The following SCN8A variants were observed in gnomAD, a reference collection of about 807,000 sequenced individuals.
SCN8A encodes sodium channel protein type 8 subunit alpha.
In SCN8A, 30 loss-of-function variants were observed where a neutral mutation model predicts 184.1. That is an observed-to-expected ratio of 0.16 (90% confidence interval 0.12 to 0.22). The LOEUF (loss-of-function observed/expected upper bound fraction) is 0.22, where lower values mean the gene tolerates loss of function less well. Among genes scored for constraint, SCN8A ranks in the 10% least tolerant of loss-of-function variants. SCN8A has a pLI of 1.00. For missense variants in SCN8A, 1,057 were observed against 2,498.9 expected, an observed-to-expected ratio of 0.42 and a Z score of 12.30; for synonymous variants, 852 against 907.0, an observed-to-expected ratio of 0.94 and a Z score of 1.09.
At chr12:51,674,802 T>C (rs1009052837) in intron 2 of SCN8A, among the ~76,000 whole-genome samples, 2 of 152,224 alleles carry the variant, frequency 1.3e-5, no homozygotes, top group Admixed American at 1.3e-4. Flanking sequence ...TTAATCTTTA[T>C]AACAACCTGA....
At chr12:51,637,548 G>A (rs1194778981) in intron 1 of SCN8A, among the ~76,000 whole-genome samples, 1 of 152,220 alleles carries the variant, frequency 6.6e-6, no homozygotes, top group Admixed American at 6.5e-5. Context: ...CTGGATAGAA[G>A]ATCGTACTAG....
chr12:51,637,800 T>C (rs767097579), intron 1 of SCN8A, among the ~76,000 whole-genome samples: 9 of 152,212 alleles, frequency 5.9e-5, no homozygotes, highest in Non-Finnish European at 1.0e-4. Context: ...CATTAATTGA[T>C]GACGGTGACC....
chr12:51,637,822 T>C (rs1940352418), intron 1 of SCN8A, among the ~76,000 whole-genome samples: 1 of 152,132 alleles, frequency 6.6e-6, no homozygotes, highest in Admixed American at 6.5e-5. Flanking sequence ...TACTAAACAA[T>C]GGATTTTGAA....
chr12:51,681,614 T>A (rs1442889595), intron 2 of SCN8A, among the ~76,000 whole-genome samples: 4 of 152,168 alleles, frequency 2.6e-5, no homozygotes, highest in Non-Finnish European at 5.9e-5. Context: ...TTCTCTTTGC[T>A]TTTAGGATTA....
chr12:51,634,752 G>C (rs1395088369), intron 1 of SCN8A, among the ~76,000 whole-genome samples: 4 of 151,216 alleles, frequency 2.6e-5, no homozygotes, highest in Admixed American at 2.6e-4. Context: ...GGGTTCAAGC[G>C]ATTCTCTGGC....
At chr12:51,726,675 T>C (rs1942160004) in intron 12 of SCN8A, among the ~76,000 whole-genome samples, 1 of 152,220 alleles carries the variant, frequency 6.6e-6, no homozygotes, top group Non-Finnish European at 1.5e-5. Context: ...ATGTTATTCA[T>C]ATATAATATG....
chr12:51,794,751 A>ACCCT, intron 26 of SCN8A, 110 bp downstream of exon 26: 1 of 1,068,828 alleles, frequency 9.4e-7, no homozygotes, highest in Non-Finnish European at 1.4e-6. Context: ...CAGGCAAGAT[A>ACCCT]CCCTCATAGC....
chr12:51,613,573 C>T (rs566194743), intron 1 of SCN8A, among the ~76,000 whole-genome samples: 1 of 151,906 alleles, frequency 6.6e-6, no homozygotes, highest in African/African-American at 2.4e-5. Flanking sequence ...TAATTTTCCT[C>T]TATTTTTCTG....
At chr12:51,600,936 G>A (rs541118513) in intron 1 of SCN8A, among the ~76,000 whole-genome samples, 1 of 152,312 alleles carries the variant, frequency 6.6e-6, no homozygotes, top group Middle Eastern at 3.4e-3. Flanking sequence ...GTTTGCTGTG[G>A]AACCAGTAGA....
rs371276023 is a variant in SCN8A, at chr12:51,627,076, T to C, written c.-54-35688T>C. Reference sequence around the variant, plus strand: ...TTATATGTATGTGTGGCTGAAGGAGTGGGAAGATGAGGTGCTGTGGGGGAA... The same window carrying C: ...TTATATGTATGTGTGGCTGAAGGAGCGGGAAGATGAGGTGCTGTGGGGGAA... On this transcript the variant is annotated intron_variant, in intron 1 of 26. Coordinates refer to ENST00000627620, the MANE Select transcript of SCN8A (RefSeq NM_001330260.2). 6.9e-4 allele frequency among the ~76,000 whole-genome samples: 104 copies of C among 151,780 alleles called. 1 individual carries two copies. Among genetic ancestry groups the C allele is most frequent in the African/African-American group, 2.4e-3 (99 of 41,396 alleles).
chr12:51,646,332 C>A (rs1940589676), intron 1 of SCN8A, among the ~76,000 whole-genome samples: 1 of 152,200 alleles, frequency 6.6e-6, no homozygotes, highest in Admixed American at 6.5e-5. Flanking sequence ...CCTTTTGCAA[C>A]TACTCAGCTC....
At chr12:51,746,822 T>C (rs1209657265) in intron 13 of SCN8A, among the ~76,000 whole-genome samples, 1 of 152,202 alleles carries the variant, frequency 6.6e-6, no homozygotes, top group Non-Finnish European at 1.5e-5. Flanking sequence ...ATGCTTTCTT[T>C]AGAGGTAAAT....
At chr12:51,620,475 A>G (rs1939935409) in intron 1 of SCN8A, among the ~76,000 whole-genome samples, 1 of 152,040 alleles carries the variant, frequency 6.6e-6, no homozygotes, top group South Asian at 2.1e-4. Context: ...GTCATCTTTA[A>G]TTTTTTCTTT....
At position 51,797,646 on chromosome 12, in the gene SCN8A, G is replaced by A. The variant is rs540157677; in HGVS notation, c.4795+3005G>A. On this transcript the variant is annotated intron_variant, in intron 26 of 26. Transcript: ENST00000627620. ...TAGTTTCCCATTGACCTTAATCACA[G>A]GGCATGCTAATACTAAGAGACGCCC... Among the ~76,000 whole-genome samples the A allele has an allele frequency of 1.5e-4, 23 of 152,214 alleles. No homozygotes were observed. In the South Asian group the frequency reaches 4.6e-3, roughly 30 times the overall value.
At chr12:51,611,716 A>G (rs1939724455) in intron 1 of SCN8A, among the ~76,000 whole-genome samples, 1 of 150,746 alleles carries the variant, frequency 6.6e-6, no homozygotes, top group Non-Finnish European at 1.5e-5. Flanking sequence ...CTGGTCTCGA[A>G]CTCCCTGACC....
intron 1 of SCN8A, among the ~76,000 whole-genome samples, chr12:51,647,453 A>G (rs1940615597): frequency 6.6e-6 from 1 of 152,166 alleles, no homozygotes; most frequent in Non-Finnish European, 1.5e-5. Flanking sequence ...GAGACGTAGG[A>G]AGGAAAGACT....
At chr12:51,778,365 A>ACCTCTG (rs1937778865) in intron 20 of SCN8A, among the ~76,000 whole-genome samples, 1 of 151,964 alleles carries the variant, frequency 6.6e-6, no homozygotes. Flanking sequence ...GCTCACTGCA[A>ACCTCTG]CCTCTGCCTC....
At chr12:51,726,623 C>A (rs896626011) in intron 12 of SCN8A, among the ~76,000 whole-genome samples, 2 of 152,104 alleles carry the variant, frequency 1.3e-5, no homozygotes, top group Non-Finnish European at 2.9e-5. Context: ...ATAAAAGGAC[C>A]TCTGTTATAG....
intron 1 of SCN8A, among the ~76,000 whole-genome samples, chr12:51,661,354 A>T (rs544539461): frequency 1.3e-5 from 2 of 152,188 alleles, no homozygotes; most frequent in Admixed American, 1.3e-4. Context: ...ACTTGTGGTT[A>T]TGGCCTCTTT....
Sources: gnomAD v4.1 joint callset for allele counts (sites outside exome capture counted in the v4.1 genomes callset) on GRCh38, gnomAD v4.1.1 for gene constraint, MANE v1.5 for transcripts, NCBI Gene and HGNC (gene_info 2026-07-23, HGNC 2026-07-21) for gene names.